Variants in CHRNA3 observed in about 807,000 individuals in gnomAD.
The protein encoded by CHRNA3 is cholinergic receptor nicotinic alpha 3 subunit, also known as neuronal acetylcholine receptor subunit alpha-3.
Under a neutral mutation model 41.9 loss-of-function variants are expected in CHRNA3, and 34 were observed. The ratio of observed to expected loss-of-function variants is 0.81; its 90% CI spans 0.62 to 1.08. The LOEUF (loss-of-function observed/expected upper bound fraction) is 1.08, where lower values mean the gene tolerates loss of function less well. Ranked by LOEUF, CHRNA3 falls within the 50% of genes least tolerant of loss-of-function variation. The probability of loss-of-function intolerance (pLI) is 0.00; values close to 1 mark genes in which losing one functional copy is unlikely to be tolerated. For missense variants in CHRNA3, 542 were observed against 638.3 expected (o/e 0.85, Z 1.63); for synonymous variants, 281 against 265.2 (o/e 1.06, Z -0.58).
chr15:78,610,526 A>G (rs1314035822), intron 4 of CHRNA3, among the ~76,000 whole-genome samples: 2 of 152,092 alleles, frequency 1.3e-5, no homozygotes, highest in African/African-American at 4.8e-5. Context: ...TTTGAAACCA[A>G]TGAGAACAAA....
intron 4 of CHRNA3, among the ~76,000 whole-genome samples, chr15:78,603,960 A>G (rs569733109): frequency 6.6e-6 from 1 of 152,146 alleles, no homozygotes; most frequent in South Asian, 2.1e-4. Flanking sequence ...TTTAGCACTG[A>G]GGGGCCCTGG....
In CHRNA3 at chr15:78,595,359, TTC is replaced by T; in HGVS notation, c.*1243_*1244del. 1.1e-6 allele frequency: 1 copy of T among 908,272 alleles called. No homozygotes were observed. Among genetic ancestry groups the T allele is most frequent in the Non-Finnish European group, 1.3e-6 (1 of 799,516 alleles). The allele number at this position is 908,272 out of a possible 1,614,324, so 56.3% of individuals were successfully genotyped here. On this transcript the variant is annotated 3_prime_UTR_variant, in exon 6 of 6. Coordinates refer to ENST00000326828, the MANE Select transcript of CHRNA3 (RefSeq NM_000743.5). ...CACAGGAAAAACTAGTGAGACAAGATTCAAACAGTCTCTGTGAATCATCTGTC... is the reference window on the plus strand; with the variant it reads ...CACAGGAAAAACTAGTGAGACAAGATAAACAGTCTCTGTGAATCATCTGTC...
At chr15:78,614,148 A>G (rs1481678856) in intron 4 of CHRNA3, among the ~76,000 whole-genome samples, 1 of 152,198 alleles carries the variant, frequency 6.6e-6, no homozygotes, top group African/African-American at 2.4e-5. Flanking sequence ...GCCTCTCATT[A>G]TTGCTAAAAT....
At chr15:78,618,940 C>T in intron 1 of CHRNA3, 25 bp from the exon 2 acceptor site, 1 of 1,611,024 alleles carries the variant, frequency 6.2e-7, no homozygotes, top group Non-Finnish European at 8.5e-7. Context: ...CCTGTCAGTC[C>T]CTGGGGAAAT....
rs2053391415 is a variant in CHRNA3, at chr15:78,612,279, A to T, written c.377+4745T>A. On this transcript the variant is annotated intron_variant, in intron 4 of 5. Transcript: ENST00000326828. ...GCCAAGTCAATCCTAAGCCAAAAGAACAAAGCTGGAGGCATCACACTACCT... is the reference window on the plus strand; with the variant it reads ...GCCAAGTCAATCCTAAGCCAAAAGATCAAAGCTGGAGGCATCACACTACCT... Among the ~76,000 whole-genome samples, 3 of 150,256 alleles carry T rather than the reference A, an allele frequency of 2.0e-5. No homozygotes were observed. The South Asian group carries it at 6.3e-4, about 32-fold the overall frequency.
chr15:78,601,555 C>T lies in CHRNA3; in HGVS notation c.1087G>A (p.Glu363Lys), dbSNP rs140801923. The change falls in exon 5 of 6, where the codon GAG becomes AAG. Residue 363 changes from glutamate to lysine, a missense_variant. Coordinates refer to ENST00000326828, the MANE Select transcript of CHRNA3 (RefSeq NM_000743.5). ...VMFMTRPTSN[E>K]GNAQKPRPLY... is the part of the protein sequence containing the mutation. The stretch of plus-strand genomic sequence containing the variant: ...GGCCTCGGCTTCTGAGCGTTGCCCT[C>T]GTTGCTTGTTGGCCTGGTCATGAAC... 13 of 1,613,998 alleles carry T rather than the reference C, an allele frequency of 8.1e-6. No individual in the cohort carries two copies. The highest frequency in any genetic ancestry group is 1.6e-4 in the Middle Eastern group (1 of 6,084).
At chr15:78,603,411 C>T (rs910712327) in intron 4 of CHRNA3, among the ~76,000 whole-genome samples, 7 of 152,210 alleles carry the variant, frequency 4.6e-5, no homozygotes, top group African/African-American at 1.4e-4. Context: ...ATTCCATCCG[C>T]GATGGCCAGA....
chr15:78,601,224 G>T, intron 5 of CHRNA3, 29 bp downstream of exon 5: 2 of 1,595,768 alleles, frequency 1.3e-6, no homozygotes, highest in South Asian at 1.1e-5. Flanking sequence ...ATGAATGAAT[G>T]ACCAATGTAA....
In CHRNA3 at chr15:78,596,436, TGAC is replaced by T; in HGVS notation, c.*165_*167del. Reference sequence around the variant, plus strand: ...TTCATTTATCGGTAATAAATACTCTTGACATTTTTTTTTTTGCATGATTCCAAG... The same window carrying T: ...TTCATTTATCGGTAATAAATACTCTTATTTTTTTTTTTGCATGATTCCAAG... On this transcript the variant is annotated 3_prime_UTR_variant, in exon 6 of 6. Coordinates refer to ENST00000326828, the MANE Select transcript of CHRNA3 (RefSeq NM_000743.5). 3 of 1,282,250 alleles carry T rather than the reference TGAC, an allele frequency of 2.3e-6. No individual in the cohort carries two copies. The highest frequency in any genetic ancestry group is 1.9e-6 in the Non-Finnish European group (2 of 1,027,862). The allele number at this position is 1,282,250 out of a possible 1,614,324, so 79.4% of individuals were successfully genotyped here. A position where few individuals can be genotyped will look rare whatever the true frequency, so the allele number is the denominator to read the frequency against.
In CHRNA3 at chr15:78,618,648, T is replaced by C; in HGVS notation, c.236A>G (p.Gln79Arg). The change falls in exon 3 of 6, where the codon CAG (glutamine) becomes CGG (arginine). Residue 79 changes from glutamine to arginine, a missense_variant. Coordinates refer to ENST00000326828, the MANE Select transcript of CHRNA3 (RefSeq NM_000743.5). The stretch of plus-strand genomic sequence containing the variant: ...GAGCCACAGGTTGGTCTCCATGATC[T>C]GGTTTACTTCATCCTAGAAAGAGGA... ...SQLVKVDEVN[Q>R]IMETNLWLKQ... 6.2e-7 allele frequency: 1 copy of C among 1,614,166 alleles called. No homozygotes were observed. The highest frequency in any genetic ancestry group is 1.1e-5 in the South Asian group (1 of 91,090).
At chr15:78,607,113 C>T (rs969174089) in intron 4 of CHRNA3, among the ~76,000 whole-genome samples, 6 of 151,388 alleles carry the variant, frequency 4.0e-5, no homozygotes, top group East Asian at 3.9e-4. Context: ...CCTGTAATCC[C>T]GGCTACTCAG....
intron 4 of CHRNA3, among the ~76,000 whole-genome samples, chr15:78,608,109 G>A (rs1445908407): frequency 1.3e-5 from 2 of 152,232 alleles, no homozygotes; most frequent in Admixed American, 6.5e-5. Context: ...GCCCAAGGAG[G>A]CCTGCCTGCC....
intron 4 of CHRNA3, among the ~76,000 whole-genome samples, chr15:78,611,266 A>G (rs1249311852): frequency 1.3e-5 from 2 of 152,166 alleles, no homozygotes; most frequent in African/African-American, 4.8e-5. Flanking sequence ...AGACACAACC[A>G]AAAAAGAGAA....
chr15:78,615,452 C>T (rs1244633766), intron 4 of CHRNA3, among the ~76,000 whole-genome samples: 1 of 152,142 alleles, frequency 6.6e-6, no homozygotes, highest in Admixed American at 6.5e-5. Context: ...GCTGAGACCA[C>T]CCCAGACCTG....
chr15:78,616,885 T>G lies in CHRNA3; in HGVS notation c.377+139A>C, dbSNP rs3743076. 269 of 604,832 alleles carry G rather than the reference T, an allele frequency of 4.4e-4. 2 individuals carry two copies. Among genetic ancestry groups the G allele is most frequent in the South Asian group, 2.0e-3 (98 of 49,258 alleles). 37.5% of individuals were successfully genotyped at this position (604,832 alleles called of 1,614,324 possible). On this transcript the variant is annotated intron_variant, in intron 4 of 5. Coordinates refer to ENST00000326828, the MANE Select transcript of CHRNA3 (RefSeq NM_000743.5). Reference sequence around the variant, plus strand: ...GTACCTGGTATGTAGTAGTTGCTGATTACATACCTATGGACTGAACAAATG... The same window carrying G: ...GTACCTGGTATGTAGTAGTTGCTGAGTACATACCTATGGACTGAACAAATG...
At chr15:78,594,608 G>C (rs971738411), downstream of CHRNA3, 48 of 152,338 alleles carry the variant, frequency 3.2e-4, no homozygotes, top group African/African-American at 1.1e-3. Flanking sequence ...AACCTGGGAG[G>C]TGGAGGCTGC....
Position 78,620,771 on chromosome 15 carries a change from C to T in CHRNA3, c.24G>A (p.Leu8=). The part of the protein sequence containing the change: MGSGPLS[L]PLALSPPRLL... Reference sequence around the variant, plus strand: ...GCCGCGGCGGCGACAGCGCCAGGGGCAGCGAGAGCGGGCCAGAGCCCATGG... The same window carrying T: ...GCCGCGGCGGCGACAGCGCCAGGGGTAGCGAGAGCGGGCCAGAGCCCATGG... Residue 8 remains leucine, a synonymous_variant, in exon 1 of 6, where the codon CTG becomes CTA. Transcript: ENST00000326828. 6.7e-7 allele frequency: 1 copy of T among 1,496,694 alleles called. No homozygotes were observed. The allele number at this position is 1,496,694 out of a possible 1,614,324, so 92.7% of individuals were successfully genotyped here.
rs1226395175 is a variant in CHRNA3 at position 78,620,836 on chromosome 15, C to A, written c.-42G>T. Reference sequence around the variant, plus strand: ...GGCCGCGGACCCGGACGGTCGGGAGCGGGCGCGGCGGTCGCAGAGACGGCC... The same window carrying A: ...GGCCGCGGACCCGGACGGTCGGGAGAGGGCGCGGCGGTCGCAGAGACGGCC... On this transcript the variant is annotated 5_prime_UTR_variant, in exon 1 of 6. Transcript: ENST00000326828. 6 of 1,334,012 alleles carry A rather than the reference C, an allele frequency of 4.5e-6. No homozygotes were observed. In the African/African-American group the frequency reaches 7.7e-5, roughly 17 times the overall value. 82.6% of individuals were successfully genotyped at this position (1,334,012 alleles called of 1,614,324 possible).
chr15:78,595,173 C>T, downstream of CHRNA3: 1 of 475,720 alleles, frequency 2.1e-6, no homozygotes, highest in Non-Finnish European at 2.7e-6. Flanking sequence ...ATTTAGATTG[C>T]CTGCCAGCTA....
Sources: gnomAD v4.1 joint callset for allele counts (sites outside exome capture counted in the v4.1 genomes callset) on GRCh38, gnomAD v4.1.1 for gene constraint, MANE v1.5 for transcripts, NCBI Gene and HGNC (gene_info 2026-07-23, HGNC 2026-07-21) for gene names.